PDE4D: variants seen among roughly 807,000 people sequenced by gnomAD.
The protein encoded by PDE4D is 3',5'-cyclic-AMP phosphodiesterase 4D.
A neutral mutation model predicts 87.4 loss-of-function variants in PDE4D; 24 were observed. The observed-to-expected ratio is 0.27, with a 90% CI of 0.20 to 0.39. The LOEUF is 0.39. Ranked by LOEUF, PDE4D falls within the 10% of genes least tolerant of loss-of-function variation. The probability of loss-of-function intolerance (pLI) is 1.00; values close to 1 mark genes in which losing one functional copy is unlikely to be tolerated. For synonymous variants in PDE4D, 384 were observed against 383.2 expected (o/e 1.00, Z -0.02); for missense variants, 714 against 1,041.0 (o/e 0.69, Z 4.32).
chr5:59,591,126 A>C (rs1421379405), intron 1 of PDE4D, among the ~76,000 whole-genome samples: 1 of 152,150 alleles, frequency 6.6e-6, no homozygotes, highest in Non-Finnish European at 1.5e-5. Flanking sequence ...GTTTTATCTC[A>C]AAGTTTGATA....
intron 5 of PDE4D, among the ~76,000 whole-genome samples, chr5:59,160,978 C>T (rs1297073259): frequency 6.6e-6 from 1 of 152,108 alleles, no homozygotes; most frequent in African/African-American, 2.4e-5. Context: ...TGCCTGTAAT[C>T]CCAGCTACTC....
intron 1 of PDE4D, among the ~76,000 whole-genome samples, chr5:59,720,327 A>G (rs1310060205): frequency 6.6e-6 from 1 of 152,084 alleles, no homozygotes; most frequent in African/African-American, 2.4e-5. Flanking sequence ...CTAATTATGT[A>G]GAGAGAGGGT....
intron 2 of PDE4D, among the ~76,000 whole-genome samples, chr5:60,090,796 C>T (rs548991632): frequency 7.9e-5 from 12 of 152,244 alleles, no homozygotes; most frequent in Admixed American, 3.3e-4. Flanking sequence ...TCAACCAAAA[C>T]CTGTTAGAAC....
chr5:60,458,386 C>CAAAAAAAAAAAAA (rs61006284), intron 1 of PDE4D, among the ~76,000 whole-genome samples: 7 of 75,186 alleles, frequency 9.3e-5, no homozygotes, highest in African/African-American at 2.8e-4. Context: ...GACTTCATTG[C>CAAAAAAAAAAAAA]AAAAAAAAAA....
At chr5:59,421,933 C>T (rs1468632856) in intron 1 of PDE4D, among the ~76,000 whole-genome samples, 1 of 152,106 alleles carries the variant, frequency 6.6e-6, no homozygotes, top group Non-Finnish European at 1.5e-5. Flanking sequence ...GCACCAGACA[C>T]ATAATGGTTT....
intron 1 of PDE4D, among the ~76,000 whole-genome samples, chr5:59,830,153 T>G (rs772338633): frequency 2.0e-5 from 3 of 152,002 alleles, no homozygotes; most frequent in Non-Finnish European, 4.4e-5. Flanking sequence ...CTTTGTGTAT[T>G]TGAGTTAATG....
chr5:60,087,420 G>A (rs1290291891), intron 2 of PDE4D, among the ~76,000 whole-genome samples: 1 of 152,168 alleles, frequency 6.6e-6, no homozygotes, highest in East Asian at 1.9e-4. Flanking sequence ...ACAGAAGAAT[G>A]CAACATCTCC....
At chr5:60,243,580 C>G (rs967649160) in intron 1 of PDE4D, among the ~76,000 whole-genome samples, 1 of 151,898 alleles carries the variant, frequency 6.6e-6, no homozygotes, top group East Asian at 1.9e-4. Flanking sequence ...ACTAACAAAC[C>G]AAATTCAACA....
intron 1 of PDE4D, among the ~76,000 whole-genome samples, chr5:59,393,529 A>C (rs567775747): frequency 6.6e-6 from 1 of 152,330 alleles, no homozygotes. Flanking sequence ...CACTGCATGC[A>C]TCCTACCTTT....
intron 1 of PDE4D, among the ~76,000 whole-genome samples, chr5:59,248,718 A>G (rs1277881518): frequency 6.6e-6 from 1 of 152,108 alleles, no homozygotes; most frequent in Non-Finnish European, 1.5e-5. Context: ...TGTAATTTAT[A>G]TCTGAGGTGT....
chr5:59,719,020 A>T (rs889542831), intron 1 of PDE4D, among the ~76,000 whole-genome samples: 1 of 151,060 alleles, frequency 6.6e-6, no homozygotes, highest in Non-Finnish European at 1.5e-5. Context: ...AAAAAAAAAA[A>T]GCCTCTTGTT....
chr5:59,474,287 T>C (rs1393675542), intron 1 of PDE4D, among the ~76,000 whole-genome samples: 1 of 152,160 alleles, frequency 6.6e-6, no homozygotes, highest in Non-Finnish European at 1.5e-5. Flanking sequence ...TAACCAAGAA[T>C]ATTTTCTTTC....
chr5:59,762,447 C>T (rs1762174738), intron 1 of PDE4D, among the ~76,000 whole-genome samples: 1 of 105,158 alleles, frequency 9.5e-6, no homozygotes. Flanking sequence ...TATATGGGTA[C>T]ACATATGTGT....
At chr5:60,390,022 A>T (rs1336266507) in intron 1 of PDE4D, among the ~76,000 whole-genome samples, 1 of 152,158 alleles carries the variant, frequency 6.6e-6, no homozygotes, top group Admixed American at 6.5e-5. Context: ...CATGTTAGAA[A>T]CCAAGCTCTA....
chr5:59,857,484 A>G (rs900081365), intron 1 of PDE4D, among the ~76,000 whole-genome samples: 3 of 152,146 alleles, frequency 2.0e-5, no homozygotes, highest in Non-Finnish European at 4.4e-5. Flanking sequence ...TTTCACCTCA[A>G]ATTTCATCTC....
At position 58,974,668 on chromosome 5, in the gene PDE4D, G is replaced by GTGTC; in HGVS notation, c.2422_2425dup (p.Thr809ArgfsTer15). On this transcript the variant is annotated frameshift_variant, in exon 15 of 15. Transcript: ENST00000340635. LOFTEE classifies it high-confidence loss of function. ...GGCATGAAAGTTTTTGCACTGTTAC[G>GTGTC]TGTCAGGAGAACGATCATCTATGAC... 1.9e-6 allele frequency: 3 copies of GTGTC among 1,554,214 alleles called. No individual in the cohort carries two copies. Among genetic ancestry groups the GTGTC allele is most frequent in the Non-Finnish European group, 2.6e-6 (3 of 1,150,326 alleles).
At chr5:60,335,195 C>G (rs939663989) in intron 1 of PDE4D, 1 of 152,214 alleles carries the variant, frequency 6.6e-6, no homozygotes, top group Non-Finnish European at 1.5e-5. Flanking sequence ...ACCACTAATA[C>G]GCTATTGCAA....
chr5:59,536,988 C>T (rs1191873637), intron 1 of PDE4D, among the ~76,000 whole-genome samples: 3 of 152,112 alleles, frequency 2.0e-5, no homozygotes, highest in Non-Finnish European at 4.4e-5. Context: ...ACAGGCTTAT[C>T]TGAAGTTTAC....
intron 7 of PDE4D, 51 bp from the exon 8 acceptor site, chr5:58,992,055 T>G (rs1466356151): frequency 2.8e-6 from 3 of 1,073,726 alleles, no homozygotes; most frequent in Admixed American, 6.7e-5. Context: ...CTATCTGTTT[T>G]ATATCATATG....
Sources: gnomAD v4.1 joint callset for allele counts (sites outside exome capture counted in the v4.1 genomes callset) on GRCh38, gnomAD v4.1.1 for gene constraint, MANE v1.5 for transcripts, NCBI Gene and HGNC (gene_info 2026-07-23, HGNC 2026-07-21) for gene names.